CAMK2G: variants seen among roughly 807,000 people sequenced by gnomAD.
The protein encoded by CAMK2G is calcium/calmodulin dependent protein kinase II gamma, also known as calcium/calmodulin-dependent protein kinase type II subunit gamma.
CAMK2G carries 23 observed loss-of-function variants against 88.7 expected under a neutral mutation model. The ratio of observed to expected loss-of-function variants is 0.26; its 90% CI spans 0.19 to 0.37. The LOEUF (loss-of-function observed/expected upper bound fraction) is 0.37, where lower values mean the gene tolerates loss of function less well. Ranked by LOEUF, CAMK2G falls within the 10% of genes least tolerant of loss-of-function variation. The probability of loss-of-function intolerance (pLI) is 1.00; values close to 1 mark genes in which losing one functional copy is unlikely to be tolerated. For synonymous variants in CAMK2G, 263 were observed against 294.8 expected (o/e 0.89, Z 1.11); for missense variants, 476 against 780.8 (o/e 0.61, Z 4.65).
At chr10:73,846,142 C>T (rs1473738079) in intron 10 of CAMK2G, among the ~76,000 whole-genome samples, 3 of 152,180 alleles carry the variant, frequency 2.0e-5, no homozygotes, top group Non-Finnish European at 4.4e-5. Flanking sequence ...TTCTTTAAAA[C>T]CCTTAAATGA....
chr10:73,865,550 G>A (rs936418156), intron 2 of CAMK2G, among the ~76,000 whole-genome samples: 2 of 152,158 alleles, frequency 1.3e-5, no homozygotes, highest in Non-Finnish European at 2.9e-5. Context: ...GCTGGCCCAC[G>A]GCTGCAAAAA....
In CAMK2G at chr10:73,857,328, A is replaced by C. The variant is rs118133216; in HGVS notation, c.220+3502T>G. Among the ~76,000 whole-genome samples the C allele has an allele frequency of 6.0e-4, 91 of 152,118 alleles. No individual in the cohort carries two copies. The East Asian group carries it at 0.016, about 27-fold the overall frequency. Reference sequence around the variant, plus strand: ...TTCCTGGCTGAACCCTTTCATAACAACTCCACGAAGGGACCCAGATAACAA... The same window carrying C: ...TTCCTGGCTGAACCCTTTCATAACACCTCCACGAAGGGACCCAGATAACAA... On this transcript the variant is annotated intron_variant, in intron 3 of 22. Transcript: ENST00000423381.
chr10:73,820,663 A>ATTTTTTTTTTT (rs1198716305), intron 18 of CAMK2G, among the ~76,000 whole-genome samples: 504 of 46,132 alleles, frequency 0.011, 26 homozygotes, highest in Middle Eastern at 0.034. Flanking sequence ...CACCCGGCTA[A>ATTTTTTTTTTT]TTTTTTTTTT....
intron 19 of CAMK2G, chr10:73,818,654 C>G (rs1197579439): frequency 2.2e-6 from 1 of 453,850 alleles, no homozygotes; most frequent in African/African-American, 2.0e-5. Context: ...CCGTCAGCCC[C>G]GCTAGGCCAC....
intron 18 of CAMK2G, among the ~76,000 whole-genome samples, chr10:73,821,090 GT>G (rs1187477112): frequency 1.3e-5 from 2 of 152,054 alleles, no homozygotes; most frequent in Non-Finnish European, 2.9e-5. Context: ...GATTACAGGT[GT>G]GAGTCACCGC....
chr10:73,872,899 C>T (rs773924249), intron 2 of CAMK2G, 90 bp downstream of exon 2: 15 of 861,178 alleles, frequency 1.7e-5, no homozygotes, highest in Non-Finnish European at 2.8e-5. Context: ...AGTGCTAAAA[C>T]GCACAACCCC....
At chr10:73,872,506 T>C (rs1299346206) in intron 2 of CAMK2G, among the ~76,000 whole-genome samples, 1 of 152,244 alleles carries the variant, frequency 6.6e-6, no homozygotes, top group Non-Finnish European at 1.5e-5. Flanking sequence ...TGTTTACAGA[T>C]TCCCTTCCCT....
At chr10:73,851,411 C>G (rs2094603837) in intron 5 of CAMK2G, among the ~76,000 whole-genome samples, 1 of 151,932 alleles carries the variant, frequency 6.6e-6, no homozygotes, top group Admixed American at 6.6e-5. Context: ...GAACGGTCCT[C>G]AAGTTGGAGG....
rs960070603 is a variant in CAMK2G, at chr10:73,839,687, C to G, written c.947-86G>C. ...GAGCATGCCCCAGCGCGAGGCGCAGCCCAGGCGGCGTGGCCAAGCCAGCCG... is the reference window on the plus strand; with the variant it reads ...GAGCATGCCCCAGCGCGAGGCGCAGGCCAGGCGGCGTGGCCAAGCCAGCCG... On this transcript the variant is annotated intron_variant, in intron 12 of 22. Transcript: ENST00000423381. The surrounding 1 kb of genome is among the most constrained non-coding windows in gnomAD (Gnocchi z 4.2). 3.4e-6 allele frequency: 3 copies of G among 893,280 alleles called. No homozygotes were observed. The highest frequency in any genetic ancestry group is 4.4e-6 in the Non-Finnish European group (3 of 678,316). 55.3% of individuals were successfully genotyped at this position (893,280 alleles called of 1,614,324 possible).
At chr10:73,834,371 C>T (rs1294865250) in intron 14 of CAMK2G, among the ~76,000 whole-genome samples, 2 of 152,224 alleles carry the variant, frequency 1.3e-5, no homozygotes. Context: ...AAGCTCTTTT[C>T]TCAAAAGAAT....
chr10:73,832,464 G>A (rs149878142), intron 14 of CAMK2G, among the ~76,000 whole-genome samples: 239 of 151,808 alleles, frequency 1.6e-3, no homozygotes, highest in Middle Eastern at 0.01. Flanking sequence ...GCACCACCAC[G>A]CCCAGCTAAT....
At chr10:73,863,309 C>T (rs1175814545) in intron 2 of CAMK2G, among the ~76,000 whole-genome samples, 2 of 152,224 alleles carry the variant, frequency 1.3e-5, no homozygotes, top group Non-Finnish European at 2.9e-5. Context: ...CCCAGATCAC[C>T]TGGCATCCCT....
intron 14 of CAMK2G, among the ~76,000 whole-genome samples, chr10:73,828,802 T>C (rs557324817): frequency 6.6e-6 from 1 of 152,308 alleles, no homozygotes; most frequent in African/African-American, 2.4e-5. Flanking sequence ...ATCATAAAAA[T>C]GCAGGGATGT....
At position 73,856,128 on chromosome 10, in the gene CAMK2G, T is replaced by C. The variant is rs150971205; in HGVS notation, c.221-2882A>G. ...AACTAACACTTAGTTGAGCTGTCCG[T>C]GTGCCGGCATCGTTCCATGGGCTCC... On this transcript the variant is annotated intron_variant, in intron 3 of 22. Coordinates refer to ENST00000423381, the MANE Select transcript of CAMK2G (RefSeq NM_001367534.1). 3.4e-3 allele frequency among the ~76,000 whole-genome samples: 521 copies of C among 152,294 alleles called. 2 individuals are homozygous for C. Among genetic ancestry groups the C allele is most frequent in the African/African-American group, 9.9e-3 (413 of 41,564 alleles).
chr10:73,829,266 T>TTTTTTTTA (rs371757319), intron 14 of CAMK2G, among the ~76,000 whole-genome samples: 2 of 140,982 alleles, frequency 1.4e-5, no homozygotes, highest in Admixed American at 7.2e-5. Context: ...TACATTGGCC[T>TTTTTTTTA]TTTATTTATT....
chr10:73,838,033 G>T (rs1222372327), intron 13 of CAMK2G, among the ~76,000 whole-genome samples: 2 of 152,234 alleles, frequency 1.3e-5, no homozygotes, highest in Non-Finnish European at 2.9e-5. Flanking sequence ...TTTTGCCAGG[G>T]GGTTGAAGCC....
intron 3 of CAMK2G, among the ~76,000 whole-genome samples, chr10:73,854,927 C>G (rs999341715): frequency 6.6e-6 from 1 of 152,148 alleles, no homozygotes; most frequent in Non-Finnish European, 1.5e-5. Flanking sequence ...AAATCCCATC[C>G]CAATCTCAGT....
intron 14 of CAMK2G, among the ~76,000 whole-genome samples, chr10:73,831,094 G>A (rs1215597527): frequency 6.6e-6 from 1 of 152,070 alleles, no homozygotes; most frequent in South Asian, 2.1e-4. Context: ...TCTCCTTTTC[G>A]TTTCTCACCC....
At chr10:73,829,313 T>TATTTA in intron 14 of CAMK2G, among the ~76,000 whole-genome samples, 1 of 151,056 alleles carries the variant, frequency 6.6e-6, no homozygotes, top group Non-Finnish European at 1.5e-5. Context: ...TTTATTTATT[T>TATTTA]TTAGGGAGTC....
Sources: gnomAD v4.1 joint callset for allele counts (sites outside exome capture counted in the v4.1 genomes callset) on GRCh38, gnomAD v4.1.1 for gene constraint, Gnocchi (gnomAD v3.1) non-coding constraint, MANE v1.5 for transcripts, NCBI Gene and HGNC (gene_info 2026-07-23, HGNC 2026-07-21) for gene names.